PSME4: variants seen among roughly 807,000 people sequenced by gnomAD.
PSME4 encodes the protein proteasome activator complex subunit 4.
PSME4 carries 89 observed loss-of-function variants against 253.9 expected under a neutral mutation model. The ratio of observed to expected loss-of-function variants is 0.35; its 90% CI spans 0.30 to 0.42. The LOEUF is 0.42. PSME4 is among the 10% of genes least tolerant of loss of function. The probability of loss-of-function intolerance (pLI) is 1.00; values close to 1 mark genes in which losing one functional copy is unlikely to be tolerated. For missense variants in PSME4, 2,014 were observed against 2,195.2 expected, an observed-to-expected ratio of 0.92 and a Z score of 1.65; for synonymous variants, 851 against 759.2, an observed-to-expected ratio of 1.12 and a Z score of -1.99.
At chr2:53,922,986 T>C in intron 16 of PSME4, 63 bp downstream of exon 16, 1 of 1,286,600 alleles carries the variant, frequency 7.8e-7, no homozygotes, top group South Asian at 1.8e-5. Flanking sequence ...TAACAGAGTT[T>C]TAGAAACCAA....
At chr2:53,922,375 T>C (rs1277904102) in intron 17 of PSME4, 142 bp downstream of exon 17, 4 of 769,622 alleles carry the variant, frequency 5.2e-6, no homozygotes, top group African/African-American at 3.6e-5. Flanking sequence ...GTATGACATA[T>C]TCTGATCTTC....
intron 33 of PSME4, 48 bp from the exon 34 acceptor site, chr2:53,895,124 A>T: frequency 6.6e-7 from 1 of 1,513,478 alleles, no homozygotes; most frequent in Non-Finnish European, 9.0e-7. Flanking sequence ...AAAAAATATT[A>T]GAGCTTCATG....
Position 53,925,704 on chromosome 2 carries a change from CA to C in PSME4, c.1659-16del, listed in dbSNP as rs1558689926. 6.3e-7 allele frequency: 1 copy of C among 1,590,516 alleles called. No individual in the cohort carries two copies. The highest frequency in any genetic ancestry group is 2.3e-5 in the East Asian group (1 of 44,196). ...GTCCAAAACATCTAAATAATCCAAACAAAGCATAATTTCAGCAACTAAAATC... is the reference window on the plus strand; with the variant it reads ...GTCCAAAACATCTAAATAATCCAAACAAGCATAATTTCAGCAACTAAAATC... On this transcript the variant is annotated splice_polypyrimidine_tract_variant and intron_variant, in intron 13 of 46. Transcript: ENST00000404125.
At chr2:53,895,412 A>C (rs1680095287) in intron 33 of PSME4, among the ~76,000 whole-genome samples, 171 bp downstream of exon 33, 1 of 152,194 alleles carries the variant, frequency 6.6e-6, no homozygotes, top group South Asian at 2.1e-4. Flanking sequence ...TTGCACAAGG[A>C]AAGAGGCAGG....
At position 53,892,681 on chromosome 2, in the gene PSME4, T is replaced by C. The variant is rs1679965595; in HGVS notation, c.4191+127A>G. On this transcript the variant is annotated intron_variant, in intron 36 of 46. Transcript: ENST00000404125. ...TGTAATCAAAAGCAATGTCTACATA[T>C]CGGCATATTTCATATCACTGAAGAT... The C allele has an allele frequency of 5.0e-6, 4 of 802,180 alleles. No homozygotes were observed. In the South Asian group the frequency reaches 1.0e-4, roughly 21 times the overall value. 49.7% of individuals were successfully genotyped at this position (802,180 alleles called of 1,614,324 possible).
rs1224219787 is a variant in PSME4 at position 53,920,344 on chromosome 2, C to T, written c.2269G>A (p.Gly757Ser). 6.2e-7 allele frequency: 1 copy of T among 1,611,414 alleles called. No individual in the cohort carries two copies. Among genetic ancestry groups the T allele is most frequent in the Non-Finnish European group, 8.5e-7 (1 of 1,178,534 alleles). ...PSEYFPIKDW[G>S]KPGDLWNLGI... ...AGATTCCACAAGTCCCCGGGTTTGCCCCAGTCCTAGAAGAGAACAGCATCT... is the reference window on the plus strand; with the variant it reads ...AGATTCCACAAGTCCCCGGGTTTGCTCCAGTCCTAGAAGAGAACAGCATCT... Residue 757 changes from glycine (G) to serine (S), a missense_variant, in exon 19 of 47, where the codon GGC becomes AGC. This residue lies in a region of PSME4 where 989 missense variants were observed against 1,021.1 expected (regional missense o/e 0.97). Transcript: ENST00000404125.
At chr2:53,904,907 G>A (rs1196839709) in intron 26 of PSME4, among the ~76,000 whole-genome samples, 3 of 151,892 alleles carry the variant, frequency 2.0e-5, no homozygotes, top group Non-Finnish European at 4.4e-5. Flanking sequence ...AGAATTGCTG[G>A]AACTCAGGCG....
At chr2:53,963,234 G>A (rs1017217251) in intron 1 of PSME4, among the ~76,000 whole-genome samples, 8 of 151,970 alleles carry the variant, frequency 5.3e-5, no homozygotes, top group Non-Finnish European at 1.0e-4. Flanking sequence ...CCTGAGATGG[G>A]AGGATCGCTC....
chr2:53,903,179 T>A (rs1680491163), intron 27 of PSME4, among the ~76,000 whole-genome samples: 1 of 152,180 alleles, frequency 6.6e-6, no homozygotes, highest in Admixed American at 6.5e-5. Context: ...ATGGAAATGG[T>A]ATCTTCGGAC....
chr2:53,919,331 T>G, intron 19 of PSME4, 85 bp from the exon 20 acceptor site: 1 of 1,434,196 alleles, frequency 7.0e-7, no homozygotes. Flanking sequence ...TTTTCTCACG[T>G]GGGGATATAA....
rs1405937865 is a variant in PSME4 at position 53,934,593 on chromosome 2, T to G, written c.957+12A>C. 1 of 1,600,668 alleles carries G rather than the reference T, an allele frequency of 6.2e-7. No individual in the cohort carries two copies. Among genetic ancestry groups the G allele is most frequent in the Non-Finnish European group, 8.5e-7 (1 of 1,173,300 alleles). On this transcript the variant is annotated intron_variant, in intron 8 of 46. Transcript: ENST00000404125. ...CGTAAACTACAGAAAACAAATATAA[T>G]GTATTACAAACCATCATGGCGGTGA...
chr2:53,936,031 T>A, intron 7 of PSME4, 56 bp downstream of exon 7: 7 of 1,567,716 alleles, frequency 4.5e-6, no homozygotes, highest in Non-Finnish European at 6.1e-6. Flanking sequence ...GCAGCTGGGA[T>A]TACAGGCGCC....
At chr2:53,892,675 T>C (rs1454549733) in intron 36 of PSME4, 133 bp downstream of exon 36, 13 of 759,920 alleles carry the variant, frequency 1.7e-5, no homozygotes, top group Non-Finnish European at 2.6e-5. Context: ...AAGCAATGTC[T>C]ACATATCGGC....
rs150926491 is a variant in PSME4 at position 53,912,676 on chromosome 2, A to G, written c.2517-2546T>C. On this transcript the variant is annotated intron_variant, in intron 20 of 46. Transcript: ENST00000404125. Reference sequence around the variant, plus strand: ...AGACAGGGTCTCGCTATGGTGCCCAAGCTGGTCTCAAATCCCTGGCCCCAA... The same window carrying G: ...AGACAGGGTCTCGCTATGGTGCCCAGGCTGGTCTCAAATCCCTGGCCCCAA... Among the ~76,000 whole-genome samples, 333 of 152,214 alleles carry G rather than the reference A, an allele frequency of 2.2e-3. 2 individuals are homozygous for G. The highest frequency in any genetic ancestry group is 7.4e-3 in the African/African-American group (308 of 41,544).
intron 43 of PSME4, among the ~76,000 whole-genome samples, chr2:53,873,238 C>CACAAAAAAAAAAAAAAAA (rs1678973044): frequency 8.1e-6 from 1 of 123,154 alleles, no homozygotes; most frequent in African/African-American, 3.4e-5. Flanking sequence ...GACTCCGTCT[C>CACAAAAAAAAAAAAAAAA]AAAAAAAAAG....
chr2:53,962,039 G>A (rs1482953755), intron 1 of PSME4, among the ~76,000 whole-genome samples: 1 of 152,196 alleles, frequency 6.6e-6, no homozygotes, highest in Non-Finnish European at 1.5e-5. Context: ...CTTCAAATAA[G>A]GAAGAGGAAC....
chr2:53,913,223 T>C (rs993254869), intron 20 of PSME4, among the ~76,000 whole-genome samples: 1 of 152,134 alleles, frequency 6.6e-6, no homozygotes, highest in African/African-American at 2.4e-5. Context: ...ACCTAACATA[T>C]AGTAAAATGT....
chr2:53,935,305 G>T (rs1265471962), intron 7 of PSME4, among the ~76,000 whole-genome samples: 1 of 152,108 alleles, frequency 6.6e-6, no homozygotes, highest in Non-Finnish European at 1.5e-5. Context: ...GGGGAGAAAT[G>T]ATTTCTCTTC....
chr2:53,959,983 A>G (rs924430248), intron 1 of PSME4, among the ~76,000 whole-genome samples: 3 of 152,238 alleles, frequency 2.0e-5, no homozygotes, highest in Non-Finnish European at 4.4e-5. Flanking sequence ...TGATTTTTTT[A>G]GCCCAATTTT....
Sources: gnomAD v4.1 joint callset for allele counts (sites outside exome capture counted in the v4.1 genomes callset) on GRCh38, gnomAD v4.1.1 for gene constraint, gnomAD v4.1.1 regional missense constraint, MANE v1.5 for transcripts, NCBI Gene and HGNC (gene_info 2026-07-23, HGNC 2026-07-21) for gene names.